The following CSMD1 variants were observed in gnomAD, a reference collection of about 807,000 sequenced individuals.
CSMD1 encodes CUB and Sushi multiple domains 1, also known as CUB and sushi domain-containing protein 1.
A neutral mutation model predicts 417.5 loss-of-function variants in CSMD1; 213 were observed. That is an observed-to-expected ratio of 0.51 (90% CI 0.46 to 0.57). The LOEUF (loss-of-function observed/expected upper bound fraction) is 0.57, where lower values mean the gene tolerates loss of function less well. CSMD1 is among the 20% of genes least tolerant of loss of function. The pLI is 0.00. For synonymous variants in CSMD1, 2,862 were observed against 1,736.8 expected (o/e 1.65, Z -16.11); for missense variants, 6,923 against 4,529.7 (o/e 1.53, Z -15.17).
At chr8:4,123,185 C>A (rs1802582821) in intron 3 of CSMD1, among the ~76,000 whole-genome samples, 1 of 152,206 alleles carries the variant, frequency 6.6e-6, no homozygotes, top group Admixed American at 6.5e-5. Flanking sequence ...AACTCGGCTA[C>A]ATGATGGAAG....
At chr8:4,012,330 G>C (rs1199429919) in intron 4 of CSMD1, among the ~76,000 whole-genome samples, 1 of 152,120 alleles carries the variant, frequency 6.6e-6, no homozygotes, top group Non-Finnish European at 1.5e-5. Flanking sequence ...GGGTGTCCAA[G>C]ATTCATTCTC....
At chr8:3,815,293 C>G (rs2129079406) in intron 5 of CSMD1, among the ~76,000 whole-genome samples, 1 of 152,132 alleles carries the variant, frequency 6.6e-6, no homozygotes, top group East Asian at 1.9e-4. Context: ...GAAAGAATAA[C>G]CAATGGTGTT....
intron 5 of CSMD1, among the ~76,000 whole-genome samples, chr8:3,932,120 G>A (rs1303476212): frequency 1.3e-5 from 2 of 150,274 alleles, no homozygotes; most frequent in Non-Finnish European, 3.0e-5. Context: ...GAAAGTAGAT[G>A]ATTTTATGGC....
intron 41 of CSMD1, among the ~76,000 whole-genome samples, chr8:3,123,438 G>A (rs1817320396): frequency 6.6e-6 from 1 of 152,140 alleles, no homozygotes; most frequent in Non-Finnish European, 1.5e-5. Flanking sequence ...AAAAAAGAAT[G>A]AATAATTCCA....
At chr8:3,051,736 T>C (rs1431757176) in intron 50 of CSMD1, among the ~76,000 whole-genome samples, 1 of 152,158 alleles carries the variant, frequency 6.6e-6, no homozygotes, top group African/African-American at 2.4e-5. Context: ...CTTAGAAAAA[T>C]TGGGAAGTTA....
chr8:4,581,531 C>T (rs1484775962), intron 2 of CSMD1, among the ~76,000 whole-genome samples: 2 of 152,114 alleles, frequency 1.3e-5, no homozygotes, highest in Non-Finnish European at 2.9e-5. Flanking sequence ...ATTTTAAATA[C>T]ATAACAGATT....
intron 3 of CSMD1, among the ~76,000 whole-genome samples, chr8:4,116,687 C>T (rs1366710577): frequency 6.6e-6 from 1 of 151,962 alleles, no homozygotes; most frequent in Non-Finnish European, 1.5e-5. Context: ...GTGCAGGTGC[C>T]TGGATGGAAC....
chr8:4,376,379 C>A (rs754911501), intron 3 of CSMD1, among the ~76,000 whole-genome samples: 1 of 152,128 alleles, frequency 6.6e-6, no homozygotes, highest in Non-Finnish European at 1.5e-5. Flanking sequence ...CTGTGAGTAA[C>A]CATATGTAAC....
intron 3 of CSMD1, among the ~76,000 whole-genome samples, chr8:4,410,210 G>A (rs188857872): frequency 9.2e-5 from 14 of 152,190 alleles, no homozygotes; most frequent in Admixed American, 2.0e-4. Flanking sequence ...GAACCAAACA[G>A]TTTAGGTAAC....
intron 3 of CSMD1, among the ~76,000 whole-genome samples, chr8:4,187,249 G>C (rs528779674): frequency 1.1e-4 from 17 of 152,272 alleles, no homozygotes; most frequent in African/African-American, 4.1e-4. Context: ...ATGTGCTTAT[G>C]GCAGAGACTT....
intron 5 of CSMD1, among the ~76,000 whole-genome samples, chr8:3,768,143 T>A (rs1563059413): frequency 6.6e-6 from 1 of 151,940 alleles, no homozygotes; most frequent in Non-Finnish European, 1.5e-5. Flanking sequence ...AGAGAGGGGG[T>A]GGACAGTAAG....
chr8:4,689,045 A>C lies in CSMD1; in HGVS notation c.86-51487T>G, dbSNP rs11997258. Reference sequence around the variant, plus strand: ...ATGAATACAATCTTCTGCTGTCCACATAATAACTTGCTTTATTCAAGAGTG... The same window carrying C: ...ATGAATACAATCTTCTGCTGTCCACCTAATAACTTGCTTTATTCAAGAGTG... On this transcript the variant is annotated intron_variant, in intron 1 of 69. Transcript: ENST00000635120. Among the ~76,000 whole-genome samples, 223 of 152,290 alleles carry C rather than the reference A, an allele frequency of 1.5e-3. 3 individuals carry two copies. The highest frequency in any genetic ancestry group is 5.1e-3 in the African/African-American group (212 of 41,530).
intron 5 of CSMD1, among the ~76,000 whole-genome samples, chr8:3,897,356 A>C (rs937186280): frequency 2.0e-5 from 3 of 152,222 alleles, no homozygotes; most frequent in Non-Finnish European, 4.4e-5. Flanking sequence ...GTGTGCTCTA[A>C]CAGTGATTCC....
At chr8:3,645,217 G>C (rs905565005) in intron 7 of CSMD1, among the ~76,000 whole-genome samples, 2 of 152,112 alleles carry the variant, frequency 1.3e-5, no homozygotes, top group Non-Finnish European at 2.9e-5. Flanking sequence ...CCAATGCACA[G>C]TCCAAAGAAG....
At chr8:3,391,199 C>A (rs1463691223) in intron 17 of CSMD1, among the ~76,000 whole-genome samples, 1 of 152,096 alleles carries the variant, frequency 6.6e-6, no homozygotes, top group African/African-American at 2.4e-5. Flanking sequence ...TGTGCACGCA[C>A]ATATAAACCA....
intron 7 of CSMD1, among the ~76,000 whole-genome samples, chr8:3,664,834 G>T (rs1040043809): frequency 6.6e-6 from 1 of 152,110 alleles, no homozygotes; most frequent in Non-Finnish European, 1.5e-5. Context: ...ATAGCTAAAA[G>T]TTTAGCAGTA....
At chr8:3,288,863 A>G (rs1041762798) in intron 25 of CSMD1, among the ~76,000 whole-genome samples, 2 of 146,778 alleles carry the variant, frequency 1.4e-5, no homozygotes, top group East Asian at 2.0e-4. Flanking sequence ...TTTAGGGTAC[A>G]TGTGCACAAC....
At chr8:3,407,074 G>C (rs1464360454) in intron 14 of CSMD1, among the ~76,000 whole-genome samples, 1 of 152,106 alleles carries the variant, frequency 6.6e-6, no homozygotes, top group African/African-American at 2.4e-5. Context: ...TGAATGGAGG[G>C]ATGGAAAGAA....
At chr8:4,311,746 A>G (rs1240370463) in intron 3 of CSMD1, among the ~76,000 whole-genome samples, 1 of 142,420 alleles carries the variant, frequency 7.0e-6, no homozygotes, top group African/African-American at 2.7e-5. Context: ...AAAAAGTAGA[A>G]TCTAAATTAT....
Sources: gnomAD v4.1 joint callset for allele counts (sites outside exome capture counted in the v4.1 genomes callset) on GRCh38, gnomAD v4.1.1 for gene constraint, MANE v1.5 for transcripts, NCBI Gene and HGNC (gene_info 2026-07-23, HGNC 2026-07-21) for gene names.